The following EGF variants were observed in gnomAD, a reference collection of about 807,000 sequenced individuals.
EGF encodes epidermal growth factor.
In EGF, 95 loss-of-function variants were observed where a neutral mutation model predicts 143.8. The ratio of observed to expected loss-of-function variants is 0.66; its 90% CI spans 0.56 to 0.78. The LOEUF (loss-of-function observed/expected upper bound fraction) is 0.78, where lower values mean the gene tolerates loss of function less well. Ranked by LOEUF, EGF falls within the 30% of genes least tolerant of loss-of-function variation. The pLI, the probability that EGF is intolerant of heterozygous loss-of-function variation, is 0.00. For missense variants in EGF, 1,320 were observed against 1,470.9 expected (o/e 0.90, Z 1.68); for synonymous variants, 510 against 510.5 (o/e 1.00, Z 0.01).
chr4:109,999,580 G>C, intron 20 of EGF, 99 bp from the exon 21 acceptor site: 1 of 1,478,748 alleles, frequency 6.8e-7, no homozygotes. Context: ...GCTGAGTCTG[G>C]AAATGCAGAG....
In EGF at chr4:109,976,117, T is replaced by A; in HGVS notation, c.1935T>A (p.Ser645Arg). Residue 645 changes from serine (S) to arginine (R), a missense_variant, in exon 13 of 24, where the codon AGT becomes AGA. Physicochemically the swap from Ser to Arg is moderately radical, Grantham distance 110. Transcript: ENST00000265171. ...CCAGCTCTGATCTAATCTGGCCCAG[T>A]GGAATAACGATTGACTTCTTAACTG... ...VIASSDLIWPSGITIDFLTDK... is the reference protein window; with the variant it reads ...VIASSDLIWPRGITIDFLTDK... 1 of 1,614,104 alleles carries A rather than the reference T, an allele frequency of 6.2e-7. No individual in the cohort carries two copies. Among genetic ancestry groups the A allele is most frequent in the East Asian group, 2.2e-5 (1 of 44,880 alleles).
chr4:109,965,255 G>A (rs953812796), intron 10 of EGF, among the ~76,000 whole-genome samples: 18 of 152,028 alleles, frequency 1.2e-4, no homozygotes, highest in Admixed American at 1.2e-3. Context: ...TAATTATTTA[G>A]TTATTACTAT....
intron 7 of EGF, among the ~76,000 whole-genome samples, chr4:109,961,423 G>A (rs964528126): frequency 3.9e-5 from 6 of 151,964 alleles, no homozygotes; most frequent in Non-Finnish European, 8.8e-5. Flanking sequence ...GAACCTCTCA[G>A]GTTGGGAAAC....
rs1391481985 is a variant in EGF at position 109,916,425 on chromosome 4, TGC to T, written c.127+2964_127+2965del. Among the ~76,000 whole-genome samples the T allele has an allele frequency of 7.7e-4, 117 of 152,344 alleles. No homozygotes were observed. The East Asian group carries it at 0.017, about 22-fold the overall frequency. On this transcript the variant is annotated intron_variant, in intron 1 of 23. Transcript: ENST00000265171. ...CTTGCCTGGATTCAAATCCCATTTC[TGC>T]TGCTTGTGAACTGTTTGTCTCATTT...
intron 1 of EGF, among the ~76,000 whole-genome samples, chr4:109,914,578 A>G (rs752599054): frequency 2.0e-5 from 3 of 152,198 alleles, no homozygotes; most frequent in African/African-American, 7.2e-5. Context: ...AGGTGAGCAG[A>G]ACTCTAGGGT....
At position 109,913,277 on chromosome 4, in the gene EGF, G is replaced by T. The variant is rs972714436; in HGVS notation, c.-59G>T. On this transcript the variant is annotated 5_prime_UTR_variant, in exon 1 of 24. Transcript: ENST00000265171. ...GGGGTCAATCATACTCACCTTGCCC[G>T]GGCCATGCTCCAGCAAAATCAAGCT... The T allele has an allele frequency of 6.2e-7, 1 of 1,607,044 alleles. No homozygotes were observed. Among genetic ancestry groups the T allele is most frequent in the East Asian group, 2.2e-5 (1 of 44,542 alleles).
chr4:109,999,570 G>C, intron 20 of EGF, 109 bp from the exon 21 acceptor site: 1 of 1,393,840 alleles, frequency 7.2e-7, no homozygotes, highest in South Asian at 1.2e-5. Context: ...TTTCTAAAGA[G>C]CTGAGTCTGG....
chr4:109,916,433 G>T (rs1365520135), intron 1 of EGF, among the ~76,000 whole-genome samples: 1 of 151,932 alleles, frequency 6.6e-6, no homozygotes, highest in Non-Finnish European at 1.5e-5. Flanking sequence ...TCTGCTGCTT[G>T]TGAACTGTTT....
intron 17 of EGF, 124 bp downstream of exon 17, chr4:109,987,984 A>C: frequency 2.5e-6 from 2 of 784,560 alleles, no homozygotes; most frequent in Admixed American, 1.9e-5. Context: ...AAGTTATTTG[A>C]TGTTAGCTAA....
intron 11 of EGF, among the ~76,000 whole-genome samples, chr4:109,971,946 C>G (rs1387840173): frequency 6.6e-6 from 1 of 152,084 alleles, no homozygotes; most frequent in African/African-American, 2.4e-5. Context: ...TCAAGGAATA[C>G]TGATTCCTAA....
chr4:109,992,087 T>C (rs1322433932), intron 18 of EGF, among the ~76,000 whole-genome samples: 1 of 147,854 alleles, frequency 6.8e-6, no homozygotes, highest in African/African-American at 2.5e-5. Context: ...GCTGGAAGAA[T>C]TGCTTGACCC....
chr4:110,004,241 CACACACACACAA>C (rs1433113770), intron 21 of EGF: 4 of 481,530 alleles, frequency 8.3e-6, no homozygotes, highest in Non-Finnish European at 1.1e-5. Flanking sequence ...CACACACACA[CACACACACACAA>C]ACACACACAC....
chr4:110,001,530 G>GA (rs3216213), intron 21 of EGF: 1,865 of 790,656 alleles, frequency 2.4e-3, no homozygotes, highest in East Asian at 2.9e-3. Context: ...CAAAGGGCAG[G>GA]AAAAAAAAAT....
intron 5 of EGF, among the ~76,000 whole-genome samples, chr4:109,947,377 TC>T (rs1406882981): frequency 2.6e-5 from 4 of 151,740 alleles, no homozygotes; most frequent in African/African-American, 9.7e-5. Flanking sequence ...TCTTCTACTT[TC>T]TTTTTTTTTT....
intron 1 of EGF, among the ~76,000 whole-genome samples, chr4:109,915,203 C>T (rs964046656): frequency 7.9e-5 from 12 of 152,126 alleles, no homozygotes; most frequent in Non-Finnish European, 1.6e-4. Context: ...TGGAAGGAAC[C>T]ACAGGTTTTA....
chr4:109,965,372 A>C (rs1746389053), intron 10 of EGF, among the ~76,000 whole-genome samples: 1 of 152,268 alleles, frequency 6.6e-6, no homozygotes, highest in Non-Finnish European at 1.5e-5. Flanking sequence ...AATTGATTCT[A>C]TATTTAATAG....
chr4:109,918,525 C>T (rs1737115582), intron 1 of EGF, among the ~76,000 whole-genome samples: 1 of 152,100 alleles, frequency 6.6e-6, no homozygotes. Flanking sequence ...TCTCCTCTGT[C>T]TTGGAAGATG....
chr4:110,012,406 C>T lies in EGF; in HGVS notation c.*951C>T, dbSNP rs1165274629. The T allele has an allele frequency of 1.3e-5, 2 of 149,628 alleles. No individual in the cohort carries two copies. The highest frequency in any genetic ancestry group is 3.0e-5 in the Non-Finnish European group (2 of 67,764). The allele number at this position is 149,628 out of a possible 1,614,324, so 9.3% of individuals were successfully genotyped here. A position where few individuals can be genotyped will look rare whatever the true frequency, so the allele number is the denominator to read the frequency against. On this transcript the variant is annotated 3_prime_UTR_variant, in exon 24 of 24. Transcript: ENST00000265171. ...TCCGGAGAGAGGATAGGATCTCACT[C>T]TGTTATCCAGGCTGGAGTGTGCAAT... is the stretch of plus-strand genomic sequence containing the variant.
intron 1 of EGF, among the ~76,000 whole-genome samples, chr4:109,919,316 TCTCTCTCTC>T (rs1737319397): frequency 1.4e-5 from 2 of 146,370 alleles, no homozygotes; most frequent in African/African-American, 5.3e-5. Flanking sequence ...TCTCTCTCTC[TCTCTCTCTC>T]TCTCTCTCTC....
Sources: allele counts gnomAD v4.1 joint callset (sites outside exome capture counted in the v4.1 genomes callset), GRCh38; gene constraint gnomAD v4.1.1; transcripts MANE v1.5; gene names NCBI Gene and HGNC (gene_info 2026-07-23, HGNC 2026-07-21).